ADARB2: variants seen among roughly 807,000 people sequenced by gnomAD.
The protein encoded by ADARB2 is inactive double-stranded RNA-specific editase B2.
A neutral mutation model predicts 62.2 loss-of-function variants in ADARB2; 25 were observed. The ratio of observed to expected loss-of-function variants is 0.40; its 90% CI spans 0.29 to 0.56. ADARB2 has a LOEUF of 0.56. ADARB2 is among the 20% of genes least tolerant of loss of function. ADARB2 has a pLI of 0.43. For synonymous variants in ADARB2, 572 were observed against 500.8 expected (o/e 1.14, Z -1.90); for missense variants, 1,071 against 1,077.4 (o/e 0.99, Z 0.08).
intron 1 of ADARB2, among the ~76,000 whole-genome samples, chr10:1,380,116 C>T (rs745990819): frequency 5.9e-5 from 9 of 152,206 alleles, no homozygotes; most frequent in Non-Finnish European, 1.2e-4. Flanking sequence ...GCAGAGGAGA[C>T]GCCAACAGAG....
rs550379217 is a variant in ADARB2, at chr10:1,302,993, A to G, written c.1078-31924T>C. Among the ~76,000 whole-genome samples, 9 of 152,344 alleles carry G rather than the reference A, an allele frequency of 5.9e-5. No individual in the cohort carries two copies. The South Asian group carries it at 1.9e-3, about 32-fold the overall frequency. ...CGCCTCTCCTCCTCCAAAGGAACAC[A>G]GCTCCTCACCAGCAACGGAACAAAG... On this transcript the variant is annotated intron_variant, in intron 3 of 9. Coordinates refer to ENST00000381312, the MANE Select transcript of ADARB2 (RefSeq NM_018702.4).
chr10:1,723,494 C>T (rs897305733), intron 1 of ADARB2, among the ~76,000 whole-genome samples: 5 of 152,338 alleles, frequency 3.3e-5, no homozygotes, highest in Middle Eastern at 3.4e-3. Flanking sequence ...TCACTTCCCT[C>T]ATCCAGGAGA....
chr10:1,641,026 T>G (rs1224409149), intron 1 of ADARB2, among the ~76,000 whole-genome samples: 3 of 152,234 alleles, frequency 2.0e-5, no homozygotes, highest in Non-Finnish European at 2.9e-5. Flanking sequence ...AAGTATTCAT[T>G]GTTTTGTCTT....
chr10:1,477,925 C>G lies in ADARB2; in HGVS notation c.101-98765G>C, dbSNP rs1831422893. Among the ~76,000 whole-genome samples, 1 of 152,228 alleles carries G rather than the reference C, an allele frequency of 6.6e-6. No individual in the cohort carries two copies. Among genetic ancestry groups the G allele is most frequent in the Non-Finnish European group, 1.5e-5 (1 of 68,028 alleles). On this transcript the variant is annotated intron_variant, in intron 1 of 9. Coordinates refer to ENST00000381312, the MANE Select transcript of ADARB2 (RefSeq NM_018702.4). This position sits in a 1 kb window ranked among gnomAD's most constrained non-coding sequence, Gnocchi z 4.5. Reference sequence around the variant, plus strand: ...TGACATGCATCCCAGGGAAGAGCCCCTCTGCTGGAGGACTAAGAGGGTCCA... The same window carrying G: ...TGACATGCATCCCAGGGAAGAGCCCGTCTGCTGGAGGACTAAGAGGGTCCA...
chr10:1,324,325 G>A (rs115921358), intron 3 of ADARB2, among the ~76,000 whole-genome samples: 1,989 of 152,244 alleles, frequency 0.013, 51 homozygotes, highest in African/African-American at 0.045. Flanking sequence ...CCACTCTGGA[G>A]GGATGTTTAT....
chr10:1,318,877 C>T lies in ADARB2; in HGVS notation c.1077+44151G>A, dbSNP rs186438575. Among the ~76,000 whole-genome samples, 198 of 152,326 alleles carry T rather than the reference C, an allele frequency of 1.3e-3. 2 individuals carry two copies. Among genetic ancestry groups the T allele is most frequent in the African/African-American group, 4.5e-3 (187 of 41,572 alleles). On this transcript the variant is annotated intron_variant, in intron 3 of 9. Coordinates refer to ENST00000381312, the MANE Select transcript of ADARB2 (RefSeq NM_018702.4). ...CGTGGTGGGTAAAGGGTCTGCCAGC[C>T]TCCAGACAGGCATCTGTTCCAGCAG...
chr10:1,472,419 C>T (rs780168395), intron 1 of ADARB2, among the ~76,000 whole-genome samples: 4 of 151,594 alleles, frequency 2.6e-5, no homozygotes, highest in Non-Finnish European at 5.9e-5. Context: ...GAGGTCTGGG[C>T]CATAGGGGCG....
chr10:1,634,526 G>A (rs1429141672), intron 1 of ADARB2, among the ~76,000 whole-genome samples: 1 of 152,168 alleles, frequency 6.6e-6, no homozygotes, highest in East Asian at 1.9e-4. Context: ...CTGGAAGGAT[G>A]TGTTTCTTCT....
chr10:1,444,332 C>T (rs940941113), intron 1 of ADARB2, among the ~76,000 whole-genome samples: 45 of 79,088 alleles, frequency 5.7e-4, no homozygotes, highest in African/African-American at 1.4e-3. Context: ...CTTCCATCCA[C>T]CCAGCCATCC....
chr10:1,525,578 C>A lies in ADARB2; in HGVS notation c.101-146418G>T, dbSNP rs989958896. On this transcript the variant is annotated intron_variant, in intron 1 of 9. Coordinates refer to ENST00000381312, the MANE Select transcript of ADARB2 (RefSeq NM_018702.4). ...ACGCTGGTGGTCCACGTTTTCCTGT[C>A]GGCTCTGTGGGTTGCATCTGTGTCC... Among the ~76,000 whole-genome samples the A allele has an allele frequency of 2.0e-5, 3 of 152,018 alleles. 1 individual carries two copies. The South Asian group carries it at 6.2e-4, about 32-fold the overall frequency.
At chr10:1,244,629 G>A (rs1830965786) in intron 4 of ADARB2, among the ~76,000 whole-genome samples, 2 of 152,216 alleles carry the variant, frequency 1.3e-5, no homozygotes, top group Admixed American at 6.5e-5. Flanking sequence ...TCCCAACACA[G>A]GAGACGCGAA....
intron 6 of ADARB2, among the ~76,000 whole-genome samples, chr10:1,233,480 G>A (rs1485654133): frequency 6.6e-6 from 1 of 152,098 alleles, no homozygotes; most frequent in Admixed American, 6.5e-5. Context: ...CTAATTTTAG[G>A]CCTCAGACTA....
chr10:1,443,871 T>C (rs1830930461), intron 1 of ADARB2, among the ~76,000 whole-genome samples: 2 of 152,126 alleles, frequency 1.3e-5, no homozygotes, highest in Non-Finnish European at 2.9e-5. Flanking sequence ...TAAAGAAATG[T>C]TTCCTTATTC....
chr10:1,726,883 G>C (rs368837488), intron 1 of ADARB2, among the ~76,000 whole-genome samples: 11 of 152,248 alleles, frequency 7.2e-5, no homozygotes, highest in African/African-American at 2.6e-4. Flanking sequence ...CAGGGAGAGG[G>C]CCCGGGGAAG....
chr10:1,614,774 G>A (rs1011524917), intron 1 of ADARB2, among the ~76,000 whole-genome samples: 2 of 152,168 alleles, frequency 1.3e-5, no homozygotes, highest in Admixed American at 6.5e-5. Flanking sequence ...AGCCGGGTGT[G>A]GTGGCGGGCA....
chr10:1,390,054 C>A (rs1230016548), intron 1 of ADARB2, among the ~76,000 whole-genome samples: 1 of 152,094 alleles, frequency 6.6e-6, no homozygotes, highest in Admixed American at 6.6e-5. Context: ...TCCAAATGCC[C>A]ATCAAGAGAA....
intron 7 of ADARB2, among the ~76,000 whole-genome samples, chr10:1,213,763 T>G (rs1452574751): frequency 2.0e-5 from 3 of 152,252 alleles, no homozygotes; most frequent in Non-Finnish European, 4.4e-5. Flanking sequence ...AGTGTAGACC[T>G]TTGTTTTTCA....
chr10:1,644,645 G>A (rs898696806), intron 1 of ADARB2, among the ~76,000 whole-genome samples: 2 of 152,264 alleles, frequency 1.3e-5, no homozygotes, highest in Admixed American at 6.5e-5. Context: ...GACAGTCAAT[G>A]ATGCTGGCGG....
intron 1 of ADARB2, among the ~76,000 whole-genome samples, chr10:1,654,638 C>T: frequency 6.6e-6 from 1 of 152,260 alleles, no homozygotes; most frequent in African/African-American, 2.4e-5. Context: ...CAGGGCGGGG[C>T]TTTCCTGTTT....
Sources: gnomAD v4.1 joint callset for allele counts (sites outside exome capture counted in the v4.1 genomes callset) on GRCh38, gnomAD v4.1.1 for gene constraint, Gnocchi (gnomAD v3.1) non-coding constraint, MANE v1.5 for transcripts, NCBI Gene and HGNC (gene_info 2026-07-23, HGNC 2026-07-21) for gene names.